YPEL2: variants seen among roughly 807,000 people sequenced by gnomAD.
The protein encoded by YPEL2 is protein yippee-like 2.
A neutral mutation model predicts 19.1 loss-of-function variants in YPEL2; 2 were observed. The ratio of observed to expected loss-of-function variants is 0.10; its 90% CI spans 0.04 to 0.33. The LOEUF (loss-of-function observed/expected upper bound fraction) is 0.33. Ranked by LOEUF, YPEL2 falls within the 10% of genes least tolerant of loss-of-function variation. YPEL2 has a pLI of 1.00. For missense variants in YPEL2, 66 were observed against 140.7 expected, an observed-to-expected ratio of 0.47 and a Z score of 2.68; for synonymous variants, 52 against 50.0, an observed-to-expected ratio of 1.04 and a Z score of -0.17.
chr17:59,345,928 T>C (rs2047753676), intron 1 of YPEL2, among the ~76,000 whole-genome samples: 1 of 152,152 alleles, frequency 6.6e-6, no homozygotes, highest in African/African-American at 2.4e-5. Flanking sequence ...ATGTAGCTGG[T>C]GAGAAGAACC....
intron 1 of YPEL2, among the ~76,000 whole-genome samples, chr17:59,332,041 G>A (rs1454560480): frequency 6.6e-6 from 1 of 151,900 alleles, no homozygotes; most frequent in African/African-American, 2.4e-5. Flanking sequence ...TACAAACACT[G>A]CCGGGCCCGC....
intron 2 of YPEL2, among the ~76,000 whole-genome samples, chr17:59,386,291 C>A (rs2047979889): frequency 6.6e-6 from 1 of 151,254 alleles, no homozygotes; most frequent in Admixed American, 6.6e-5. Flanking sequence ...CACACCACTG[C>A]ACTCCAGCCT....
At chr17:59,346,852 A>T (rs2047758724) in intron 1 of YPEL2, among the ~76,000 whole-genome samples, 1 of 152,146 alleles carries the variant, frequency 6.6e-6, no homozygotes, top group Non-Finnish European at 1.5e-5. Context: ...AGAGATGGAA[A>T]GGTTGTATCA....
chr17:59,339,014 A>G (rs2047713507), intron 1 of YPEL2, among the ~76,000 whole-genome samples: 1 of 152,246 alleles, frequency 6.6e-6, no homozygotes, highest in Admixed American at 6.5e-5. Context: ...GCTACCAAGC[A>G]GCCTTGGCTT....
chr17:59,394,341 C>T (rs1378223025), intron 4 of YPEL2, among the ~76,000 whole-genome samples: 2 of 143,626 alleles, frequency 1.4e-5, no homozygotes, highest in Non-Finnish European at 3.0e-5. Flanking sequence ...GACGGGGTCG[C>T]GGCCGGGCAG....
intron 4 of YPEL2, among the ~76,000 whole-genome samples, chr17:59,394,472 A>G (rs1192598806): frequency 3.5e-5 from 4 of 114,584 alleles, no homozygotes; most frequent in Admixed American, 9.5e-5. Flanking sequence ...GGGAAGAGGC[A>G]CTCCTCACTT....
chr17:59,340,399 G>A (rs1227873457), intron 1 of YPEL2, among the ~76,000 whole-genome samples: 16 of 151,352 alleles, frequency 1.1e-4, no homozygotes, highest in African/African-American at 2.9e-4. Flanking sequence ...GTGAGCCACC[G>A]TGCCCAGCTG....
intron 1 of YPEL2, among the ~76,000 whole-genome samples, 167 bp downstream of exon 1, chr17:59,331,991 G>C (rs990154287): frequency 4.0e-5 from 6 of 151,612 alleles, no homozygotes; most frequent in African/African-American, 1.5e-4. Context: ...GTGGGCGCCG[G>C]GGACGGGGAG....
chr17:59,336,244 A>G (rs2047698248), intron 1 of YPEL2, among the ~76,000 whole-genome samples: 1 of 152,174 alleles, frequency 6.6e-6, no homozygotes, highest in African/African-American at 2.4e-5. Context: ...CACTTGCACT[A>G]TTTCTGCTTT....
intron 2 of YPEL2, among the ~76,000 whole-genome samples, chr17:59,361,950 G>A (rs1411487549): frequency 6.6e-6 from 1 of 152,198 alleles, no homozygotes; most frequent in Non-Finnish European, 1.5e-5. Context: ...GGGAGCAGCC[G>A]TTCTTTGGGG....
intron 2 of YPEL2, among the ~76,000 whole-genome samples, chr17:59,366,611 C>T (rs948438672): frequency 3.3e-5 from 5 of 152,214 alleles, no homozygotes; most frequent in Non-Finnish European, 7.3e-5. Context: ...AGGACCAGGC[C>T]TCTCCCCACT....
intron 2 of YPEL2, among the ~76,000 whole-genome samples, chr17:59,381,776 C>G (rs867234271): frequency 6.6e-6 from 1 of 152,204 alleles, no homozygotes; most frequent in Non-Finnish European, 1.5e-5. Context: ...GCCTGCACAC[C>G]AGCCTTGGTT....
intron 2 of YPEL2, among the ~76,000 whole-genome samples, chr17:59,371,836 A>G (rs1396827292): frequency 6.6e-6 from 1 of 152,202 alleles, no homozygotes; most frequent in Non-Finnish European, 1.5e-5. Flanking sequence ...TTACCTTTCT[A>G]AAGTGATAAA....
At chr17:59,395,890 A>G (rs150441458) in intron 4 of YPEL2, among the ~76,000 whole-genome samples, 2 of 152,252 alleles carry the variant, frequency 1.3e-5, no homozygotes, top group African/African-American at 4.8e-5. Flanking sequence ...CATCCTGGCT[A>G]ACATGGTGAA....
rs192056493 is a variant in YPEL2 at position 59,349,414 on chromosome 17, A to T, written c.-195-3801A>T. On this transcript the variant is annotated intron_variant, in intron 1 of 4. Coordinates refer to ENST00000312655, the MANE Select transcript of YPEL2 (RefSeq NM_001005404.4). ...AGTCTCGCTCTGTCGTCCAGGCTGC[A>T]ACCTCCGCCTCCCAGGCTCAAGTGA... Among the ~76,000 whole-genome samples the T allele has an allele frequency of 2.4e-3, 326 of 138,410 alleles. 1 individual carries two copies. The highest frequency in any genetic ancestry group is 8.3e-3 in the African/African-American group (301 of 36,178). 90.8% of individuals were successfully genotyped at this position (138,410 alleles called of 152,430 possible).
rs2047796631 is a variant in YPEL2 at position 59,353,347 on chromosome 17, GA to G, written c.-62del. 4.0e-6 allele frequency: 5 copies of G among 1,254,768 alleles called. No individual in the cohort carries two copies. In the African/African-American group the frequency reaches 4.5e-5, roughly 11 times the overall value. The allele number at this position is 1,254,768 out of a possible 1,614,324, so 77.7% of individuals were successfully genotyped here. A position where few individuals can be genotyped will look rare whatever the true frequency, so the allele number is the denominator to read the frequency against. The stretch of plus-strand genomic sequence containing the variant: ...CTGTGTCTTCCGGTGTTTCCCGTGC[GA>G]CCCATCCTGTGGGAGTGCCTCGTGG... On this transcript the variant is annotated 5_prime_UTR_variant, in exon 2 of 5. Transcript: ENST00000312655. This position sits in a 1 kb window ranked among gnomAD's most constrained non-coding sequence, Gnocchi z 4.8.
At position 59,399,694 on chromosome 17, in the gene YPEL2, G is replaced by T. The variant is rs369032177; in HGVS notation, c.*2504G>T. 1.3e-5 allele frequency: 2 copies of T among 152,690 alleles called. No homozygotes were observed. Among genetic ancestry groups the T allele is most frequent in the East Asian group, 1.9e-4 (1 of 5,188 alleles). The allele number at this position is 152,690 out of a possible 1,614,324, so 9.5% of individuals were successfully genotyped here. On this transcript the variant is annotated 3_prime_UTR_variant, in exon 5 of 5. Coordinates refer to ENST00000312655, the MANE Select transcript of YPEL2 (RefSeq NM_001005404.4). Reference sequence around the variant, plus strand: ...TGAAACCAAAAGTGCTTCTTACAACGTTCGCTCTGTTCATGGGTTGTCTAT... The same window carrying T: ...TGAAACCAAAAGTGCTTCTTACAACTTTCGCTCTGTTCATGGGTTGTCTAT...
intron 1 of YPEL2, among the ~76,000 whole-genome samples, chr17:59,346,873 A>T (rs755471800): frequency 6.6e-6 from 1 of 152,142 alleles, no homozygotes. Context: ...GCCTGAAGGA[A>T]TGGCATCAGC....
chr17:59,373,946 C>A (rs925941126), intron 2 of YPEL2, among the ~76,000 whole-genome samples: 2 of 152,158 alleles, frequency 1.3e-5, no homozygotes, highest in African/African-American at 4.8e-5. Flanking sequence ...TTGCTTTTTA[C>A]GCAGATAAAC....
Sources: gnomAD v4.1 joint callset for allele counts (sites outside exome capture counted in the v4.1 genomes callset) on GRCh38, gnomAD v4.1.1 for gene constraint, Gnocchi (gnomAD v3.1) non-coding constraint, MANE v1.5 for transcripts, NCBI Gene and HGNC (gene_info 2026-07-23, HGNC 2026-07-21) for gene names.